EPHA10: variants seen among roughly 807,000 people sequenced by gnomAD.
The protein encoded by EPHA10 is ephrin type-A receptor 10.
A neutral mutation model predicts 109.7 loss-of-function variants in EPHA10; 120 were observed. That is an observed-to-expected ratio of 1.09 (90% CI 0.94 to 1.27). The LOEUF is 1.27. EPHA10 is among the 50% of genes most tolerant of loss of function. EPHA10 has a pLI of 0.00. For missense variants in EPHA10, 1,396 were observed against 1,411.1 expected (o/e 0.99, Z 0.17); for synonymous variants, 640 against 618.9 (o/e 1.03, Z -0.51).
chr1:37,747,835 C>T (rs113336870), intron 5 of EPHA10, among the ~76,000 whole-genome samples: 4,007 of 152,004 alleles, frequency 0.026, 93 homozygotes, highest in South Asian at 0.044. Context: ...TTGATAGGTT[C>T]AAGAGCTGAT....
chr1:37,734,577 T>TA, intron 6 of EPHA10: 1 of 453,364 alleles, frequency 2.2e-6, no homozygotes, highest in East Asian at 7.0e-5. Context: ...GTAATAAACT[T>TA]ACGGGGAAAA....
Position 37,753,063 on chromosome 1 carries a change from C to G in EPHA10, c.1170G>C (p.Glu390Asp). Residue 390 changes from glutamate (E) to aspartate (D), a missense_variant, in exon 5 of 17, where the codon GAG becomes GAC. By Grantham distance (45) the Glu-to-Asp change is conservative. Coordinates refer to ENST00000373048, the MANE Select transcript of EPHA10 (RefSeq NM_001099439.2). ...GGAAGGCCACGCGCGGCCCGCACGG[C>G]TCGCAGGCGCCCGCCGGGCCCTCGC... The part of the protein sequence containing the change: ...CGREGPAGAC[E>D]PCGPRVAFLP... 1 of 1,273,040 alleles carries G rather than the reference C, an allele frequency of 7.9e-7. No individual in the cohort carries two copies. The allele number at this position is 1,273,040 out of a possible 1,614,324, so 78.9% of individuals were successfully genotyped here.
Position 37,716,451 on chromosome 1 carries a change from C to T in EPHA10, c.*1921G>A. On this transcript the variant is annotated 3_prime_UTR_variant, in exon 17 of 17. Transcript: ENST00000373048. ...AAGGCGGATCCTGGAGGGCACCTGG[C>T]CGGGGGCTCCCCCAACCCTGACTAA... 4.3e-6 allele frequency: 1 copy of T among 234,086 alleles called. No individual in the cohort carries two copies. Among genetic ancestry groups the T allele is most frequent in the Non-Finnish European group, 8.4e-6 (1 of 118,790 alleles). 14.5% of individuals were successfully genotyped at this position (234,086 alleles called of 1,614,324 possible). A position where few individuals can be genotyped will look rare whatever the true frequency, so the allele number is the denominator to read the frequency against.
chr1:37,759,422 A>T (rs1396882672), intron 3 of EPHA10, among the ~76,000 whole-genome samples: 1 of 152,174 alleles, frequency 6.6e-6, no homozygotes, highest in African/African-American at 2.4e-5. Context: ...GCCTGGGAAA[A>T]AAAAACCTTC....
At chr1:37,723,440 G>A (rs1645835846) in intron 8 of EPHA10, 68 bp from the exon 9 acceptor site, 9 of 1,544,214 alleles carry the variant, frequency 5.8e-6, no homozygotes, top group Middle Eastern at 1.8e-4. Flanking sequence ...AGAGCACTGA[G>A]GGCAGCACCT....
At chr1:37,732,498 T>C (rs927552821) in intron 6 of EPHA10, among the ~76,000 whole-genome samples, 2 of 152,124 alleles carry the variant, frequency 1.3e-5, no homozygotes, top group African/African-American at 4.8e-5. Context: ...GACCATAGCA[T>C]TCAGGAACTG....
rs900676 is a variant in EPHA10 at position 37,716,463 on chromosome 1, C to T, written c.*1909G>A. 0.21 allele frequency: 47,901 copies of T among 233,580 alleles called. 5,601 individuals are homozygous for T. Among genetic ancestry groups the T allele is most frequent in the East Asian group, 0.45 (7,381 of 16,468 alleles). 14.5% of individuals were successfully genotyped at this position (233,580 alleles called of 1,614,324 possible). ...GGAGGGCACCTGGCCGGGGGCTCCC[C>T]CAACCCTGACTAAGGTGGTAGCAAC... On this transcript the variant is annotated 3_prime_UTR_variant, in exon 17 of 17. Coordinates refer to ENST00000373048, the MANE Select transcript of EPHA10 (RefSeq NM_001099439.2).
At chr1:37,719,367 C>A in intron 15 of EPHA10, 47 bp downstream of exon 15, 1 of 1,590,206 alleles carries the variant, frequency 6.3e-7, no homozygotes, top group Non-Finnish European at 8.6e-7. Flanking sequence ...TGCAGGGAGG[C>A]CCTCCACGGA....
intron 1 of EPHA10, among the ~76,000 whole-genome samples, chr1:37,763,087 A>G (rs1175761865): frequency 6.6e-6 from 1 of 152,206 alleles, no homozygotes; most frequent in Non-Finnish European, 1.5e-5. Context: ...GGGCTGCTGT[A>G]ACATATTACC....
intron 8 of EPHA10, among the ~76,000 whole-genome samples, chr1:37,724,820 C>T (rs915687766): frequency 1.9e-4 from 29 of 152,182 alleles, no homozygotes; most frequent in East Asian, 5.8e-4. Flanking sequence ...CATCTCCGCT[C>T]GGTAGCTGTG....
chr1:37,723,276 G>A (rs750638622), intron 9 of EPHA10, 35 bp downstream of exon 9: 1 of 1,610,614 alleles, frequency 6.2e-7, no homozygotes, highest in South Asian at 1.1e-5. Flanking sequence ...GCAGGGTGGA[G>A]CCCGCCCCTC....
rs1013989194 is a variant in EPHA10, at chr1:37,754,467, G to T, written c.851-97C>A. 52 of 1,164,248 alleles carry T rather than the reference G, an allele frequency of 4.5e-5. No homozygotes were observed. Among genetic ancestry groups the T allele is most frequent in the Non-Finnish European group, 5.6e-5 (52 of 920,632 alleles). The allele number at this position is 1,164,248 out of a possible 1,614,324, so 72.1% of individuals were successfully genotyped here. On this transcript the variant is annotated intron_variant, in intron 3 of 16. Coordinates refer to ENST00000373048, the MANE Select transcript of EPHA10 (RefSeq NM_001099439.2). The surrounding 1 kb of genome is among the most constrained non-coding windows in gnomAD (Gnocchi z 4.5). ...GGCAGCGTTTATCTCCTCCAATTGC[G>T]ATAGAAAAACAGTCAGGGGACTCAG...
At chr1:37,724,970 C>G (rs374196626) in intron 8 of EPHA10, among the ~76,000 whole-genome samples, 24 of 152,156 alleles carry the variant, frequency 1.6e-4, no homozygotes, top group Admixed American at 3.9e-4. Context: ...TAATAGTGGG[C>G]TCCCAAGATG....
At position 37,718,719 on chromosome 1, in the gene EPHA10, C is replaced by T. The variant is rs756556017; in HGVS notation, c.2854G>A (p.Asp952Asn). ...LEALDLCRYK[D>N]SFAAAGYGSL... ...CCATAGCCAGCAGCCGCGAAGCTGT[C>T]CTTGTAGCGGCACAGGTCCAGGGCC... Residue 952 changes from aspartate (D) to asparagine (N), a missense_variant, in exon 16 of 17, where the codon GAC (aspartate) becomes AAC (asparagine). Physicochemically the swap from Asp to Asn is conservative, Grantham distance 23. Coordinates refer to ENST00000373048, the MANE Select transcript of EPHA10 (RefSeq NM_001099439.2). 1.2e-6 allele frequency: 2 copies of T among 1,613,276 alleles called. No homozygotes were observed. Among genetic ancestry groups the T allele is most frequent in the South Asian group, 2.2e-5 (2 of 91,074 alleles).
At chr1:37,733,743 C>A (rs897593889) in intron 6 of EPHA10, among the ~76,000 whole-genome samples, 2 of 152,100 alleles carry the variant, frequency 1.3e-5, no homozygotes, top group Non-Finnish European at 2.9e-5. Flanking sequence ...ATTCCTCTCC[C>A]CCAATTTCTC....
chr1:37,762,827 G>C lies in EPHA10; in HGVS notation c.129C>G (p.Ala43=). Residue 43 remains alanine (A), a synonymous_variant, in exon 2 of 17, where the codon GCC becomes GCG. Coordinates refer to ENST00000373048, the MANE Select transcript of EPHA10 (RefSeq NM_001099439.2). ...AEEVILLDSK[A]SQAELGWTAL... is the part of the protein sequence containing the mutation. ...CAGTCCAGCCCAGCTCGGCCTGGGA[G>C]GCTTTGGAATCCAGGAGGATAACTA... 6.4e-7 allele frequency: 1 copy of C among 1,553,590 alleles called. No individual in the cohort carries two copies. Among genetic ancestry groups the C allele is most frequent in the Non-Finnish European group, 8.7e-7 (1 of 1,147,768 alleles).
chr1:37,743,108 T>G (rs1042803304), intron 5 of EPHA10, among the ~76,000 whole-genome samples: 1 of 152,146 alleles, frequency 6.6e-6, no homozygotes, highest in Non-Finnish European at 1.5e-5. Flanking sequence ...ACGCATCTTT[T>G]TTGTTGTTGT....
At chr1:37,721,551 T>C in intron 11 of EPHA10, 109 bp downstream of exon 11, 1 of 1,171,018 alleles carries the variant, frequency 8.5e-7, no homozygotes, top group East Asian at 3.0e-5. Context: ...CTCCCTCCCA[T>C]AGCTGAGGGA....
At chr1:37,719,855 G>C in intron 14 of EPHA10, 54 bp downstream of exon 14, 1 of 1,613,210 alleles carries the variant, frequency 6.2e-7, no homozygotes. Context: ...CAGGAAGCTG[G>C]GGCCTGAGCT....
Sources: allele counts gnomAD v4.1 joint callset (sites outside exome capture counted in the v4.1 genomes callset), GRCh38; gene constraint gnomAD v4.1.1; non-coding constraint Gnocchi (gnomAD v3.1); transcripts MANE v1.5; gene names NCBI Gene and HGNC (gene_info 2026-07-23, HGNC 2026-07-21).